Variants in LRMDA observed in about 807,000 individuals in gnomAD.
LRMDA encodes the protein leucine rich melanocyte differentiation associated.
Under a neutral mutation model 29.8 loss-of-function variants are expected in LRMDA, and 18 were observed. The observed-to-expected ratio is 0.60, with a 90% CI of 0.42 to 0.90. The LOEUF (loss-of-function observed/expected upper bound fraction) is 0.90. LRMDA is among the 40% of genes least tolerant of loss of function. The pLI is 0.00. For synonymous variants in LRMDA, 125 were observed against 109.4 expected, an observed-to-expected ratio of 1.14 and a Z score of -0.89; for missense variants, 273 against 273.9, an observed-to-expected ratio of 1.00 and a Z score of 0.02.
In LRMDA at chr10:75,989,750, C is replaced by G. The variant is rs148509640; in HGVS notation, c.132-46258C>G. ...GAGAAAGGTGAAGCCCAAAGATAGC[C>G]AGGGGTCTGTTCAAGTTCAAACAGC... On this transcript the variant is annotated intron_variant, in intron 2 of 6. Transcript: ENST00000611255. 2.9e-3 allele frequency among the ~76,000 whole-genome samples: 442 copies of G among 152,314 alleles called. 8 individuals are homozygous for G. In the South Asian group the frequency reaches 0.048, roughly 17 times the overall value.
At chr10:76,477,981 CATA>C (rs1463565029) in intron 6 of LRMDA, among the ~76,000 whole-genome samples, 2 of 152,118 alleles carry the variant, frequency 1.3e-5, no homozygotes, top group Non-Finnish European at 2.9e-5. Flanking sequence ...CCATTGAGGA[CATA>C]GGCACGGGCA....
chr10:75,750,489 G>C (rs1056714418), intron 2 of LRMDA, among the ~76,000 whole-genome samples: 3 of 129,496 alleles, frequency 2.3e-5, no homozygotes, highest in African/African-American at 3.2e-5. Context: ...GGGGCGGGGG[G>C]TGGGGGGCAG....
intron 6 of LRMDA, among the ~76,000 whole-genome samples, chr10:76,339,271 CA>C (rs201555311): frequency 0.15 from 17,234 of 116,224 alleles, 1,151 homozygotes; most frequent in East Asian, 0.42. Context: ...CCCCTCCTTC[CA>C]AAAAAAAAAA....
At chr10:75,454,823 C>T (rs546993710) in intron 2 of LRMDA, among the ~76,000 whole-genome samples, 2 of 152,298 alleles carry the variant, frequency 1.3e-5, no homozygotes, top group East Asian at 3.9e-4. Context: ...AAAAAATCAG[C>T]CTTACCTGGG....
intron 5 of LRMDA, among the ~76,000 whole-genome samples, chr10:76,103,987 G>A (rs1232190414): frequency 6.6e-6 from 1 of 151,770 alleles, no homozygotes; most frequent in Admixed American, 6.6e-5. Flanking sequence ...GGTGGAGGTT[G>A]CAGTGAATGG....
chr10:75,925,614 G>A (rs944808930), intron 2 of LRMDA, among the ~76,000 whole-genome samples: 1 of 152,132 alleles, frequency 6.6e-6, no homozygotes, highest in Middle Eastern at 3.2e-3. Flanking sequence ...AGGTGATGGT[G>A]GCAGTGGTGG....
intron 5 of LRMDA, among the ~76,000 whole-genome samples, chr10:76,183,699 A>G (rs1851094443): frequency 6.6e-6 from 1 of 152,222 alleles, no homozygotes; most frequent in Admixed American, 6.5e-5. Flanking sequence ...TGAATAAGGA[A>G]TCAAATTGCA....
At chr10:75,530,606 A>C (rs775207917) in intron 2 of LRMDA, among the ~76,000 whole-genome samples, 2 of 152,096 alleles carry the variant, frequency 1.3e-5, no homozygotes, top group Non-Finnish European at 2.9e-5. Flanking sequence ...CTTCTTTAGA[A>C]TCCTTCCTCA....
chr10:76,249,373 A>G (rs532379005), intron 5 of LRMDA, among the ~76,000 whole-genome samples: 2 of 152,296 alleles, frequency 1.3e-5, no homozygotes, highest in South Asian at 4.1e-4. Context: ...GTCCTATTAA[A>G]TTAAAGAACC....
At chr10:76,461,305 C>A (rs1842509553) in intron 6 of LRMDA, among the ~76,000 whole-genome samples, 1 of 152,112 alleles carries the variant, frequency 6.6e-6, no homozygotes, top group Non-Finnish European at 1.5e-5. Context: ...CTCCAGTGAG[C>A]CTGTCATGAT....
chr10:76,131,652 C>G (rs1336216262), intron 5 of LRMDA, among the ~76,000 whole-genome samples: 1 of 149,028 alleles, frequency 6.7e-6, no homozygotes, highest in East Asian at 1.9e-4. Context: ...CCACCTTTTG[C>G]TATTTTGATG....
At chr10:75,621,676 T>C (rs985378810) in intron 2 of LRMDA, among the ~76,000 whole-genome samples, 1 of 152,186 alleles carries the variant, frequency 6.6e-6, no homozygotes, top group Admixed American at 6.5e-5. Flanking sequence ...GGTGTTTATA[T>C]GTCCTGGGCA....
chr10:76,540,418 C>T (rs929459561), intron 6 of LRMDA, among the ~76,000 whole-genome samples: 88 of 152,272 alleles, frequency 5.8e-4, no homozygotes, highest in African/African-American at 2.0e-3. Context: ...TTTCACAAAG[C>T]CTCTAAAATA....
chr10:75,975,175 C>A (rs1847048563), intron 2 of LRMDA, among the ~76,000 whole-genome samples: 1 of 152,232 alleles, frequency 6.6e-6, no homozygotes, highest in Admixed American at 6.5e-5. Context: ...TCTGTAGACA[C>A]TGAGGACTGG....
At chr10:76,209,912 C>G (rs1288020505) in intron 5 of LRMDA, among the ~76,000 whole-genome samples, 1 of 152,138 alleles carries the variant, frequency 6.6e-6, no homozygotes, top group Non-Finnish European at 1.5e-5. Context: ...TCCACTGTAG[C>G]TATCTATTCT....
intron 6 of LRMDA, among the ~76,000 whole-genome samples, chr10:76,374,411 T>C (rs1282847571): frequency 6.6e-6 from 1 of 152,148 alleles, no homozygotes; most frequent in Non-Finnish European, 1.5e-5. Flanking sequence ...AAAGGACTCA[T>C]ACGTCTGGAT....
Position 75,662,996 on chromosome 10 carries a change from G to C in LRMDA, c.131+224502G>C, listed in dbSNP as rs189413931. On this transcript the variant is annotated intron_variant, in intron 2 of 6. Transcript: ENST00000611255. ...AGACTCTTCTTGTTCTTGGAACTTT[G>C]TCTGGACTTCAGAGCAGGCTGATTT... 2.2e-4 allele frequency among the ~76,000 whole-genome samples: 34 copies of C among 152,276 alleles called. No individual in the cohort carries two copies. In the South Asian group the frequency reaches 6.8e-3, roughly 31 times the overall value.
chr10:75,621,937 A>G (rs1295222229), intron 2 of LRMDA, among the ~76,000 whole-genome samples: 1 of 151,638 alleles, frequency 6.6e-6, no homozygotes, highest in Non-Finnish European at 1.5e-5. Flanking sequence ...CTGATTTTCG[A>G]CTCTCTCTGC....
intron 2 of LRMDA, among the ~76,000 whole-genome samples, chr10:75,728,188 C>A (rs1415597123): frequency 2.0e-5 from 3 of 152,146 alleles, no homozygotes; most frequent in Admixed American, 6.5e-5. Context: ...GACTGCAAAG[C>A]CTGTGCTTTT....
Sources: allele counts gnomAD v4.1 joint callset (sites outside exome capture counted in the v4.1 genomes callset), GRCh38; gene constraint gnomAD v4.1.1; transcripts MANE v1.5; gene names NCBI Gene and HGNC (gene_info 2026-07-23, HGNC 2026-07-21).